GSN: variants seen among roughly 807,000 people sequenced by gnomAD.
GSN encodes actin-depolymerizing factor.
In GSN, 56 loss-of-function variants were observed where a neutral mutation model predicts 85.7. That is an observed-to-expected ratio of 0.65 (90% CI 0.53 to 0.82). GSN has a LOEUF of 0.82. GSN is among the 40% of genes least tolerant of loss of function. The probability of loss-of-function intolerance (pLI) is 0.00; values close to 1 mark genes in which losing one functional copy is unlikely to be tolerated. For synonymous variants in GSN, 373 were observed against 399.1 expected, an observed-to-expected ratio of 0.93 and a Z score of 0.78; for missense variants, 857 against 979.8, an observed-to-expected ratio of 0.87 and a Z score of 1.67.
intron 6 of GSN, among the ~76,000 whole-genome samples, chr9:121,256,676 G>C (rs557001164): frequency 6.6e-6 from 1 of 152,092 alleles, no homozygotes; most frequent in Non-Finnish European, 1.5e-5. Flanking sequence ...TCAGGAGTTC[G>C]AGACCAGTCT....
intron 2 of GSN, 116 bp from the exon 3 acceptor site, chr9:121,301,847 G>A: frequency 1.3e-6 from 2 of 1,539,244 alleles, no homozygotes; most frequent in Non-Finnish European, 1.8e-6. Flanking sequence ...GGGGCGTGGG[G>A]AGAGCAGGAG....
At chr9:121,255,237 C>T (rs569164586) in intron 6 of GSN, among the ~76,000 whole-genome samples, 43 of 152,212 alleles carry the variant, frequency 2.8e-4, no homozygotes, top group African/African-American at 6.0e-4. Context: ...TGTGAACCAC[C>T]GCACCCGGCC....
At position 121,327,383 on chromosome 9, in the gene GSN, G is replaced by T; in HGVS notation, c.1663G>T (p.Val555Leu). ...AACCCCCTCAGCCGCCTACCTGTGGGTGGGTACAGGAGCCAGCGAGGCAGA... is the reference window on the plus strand; with the variant it reads ...AACCCCCTCAGCCGCCTACCTGTGGTTGGGTACAGGAGCCAGCGAGGCAGA... The part of the protein sequence containing the change: ...LKTPSAAYLW[V>L]GTGASEAEKT... The change falls in exon 14 of 18, where the codon GTG becomes TTG. Residue 555 changes from valine to leucine, a missense_variant. Val to Leu is a conservative substitution (Grantham distance 32). Transcript: ENST00000432226. The T allele has an allele frequency of 6.2e-7, 1 of 1,613,852 alleles. No individual in the cohort carries two copies. The highest frequency in any genetic ancestry group is 1.7e-5 in the Admixed American group (1 of 60,008).
chr9:121,236,614 T>G (rs1434269101), intron 5 of GSN, among the ~76,000 whole-genome samples: 2 of 152,046 alleles, frequency 1.3e-5, no homozygotes. Context: ...GAAAAGAAAT[T>G]TACACAATTT....
rs2055608141 is a variant in GSN at position 121,269,555 on chromosome 9, G to C, written c.-103+1336G>C. On this transcript the variant is annotated intron_variant, in intron 1 of 17. Transcript: ENST00000432226. ...GGTTGGTGTTTCTTGGGGCTGTTAA[G>C]GGGGAGAGGCTTGGAAACAGAGGAG... is the stretch of plus-strand genomic sequence containing the variant. 2.6e-5 allele frequency among the ~76,000 whole-genome samples: 4 copies of C among 152,266 alleles called. No individual in the cohort carries two copies. The South Asian group carries it at 8.3e-4, about 32-fold the overall frequency.
chr9:121,274,483 T>A (rs1207512576), intron 1 of GSN, among the ~76,000 whole-genome samples: 2 of 152,072 alleles, frequency 1.3e-5, no homozygotes, highest in Non-Finnish European at 2.9e-5. Context: ...TGAGTCAAAA[T>A]GACACATTTT....
rs149415778 is a variant in GSN, at chr9:121,302,046, C to G, written c.75C>G (p.Phe25Leu). Residue 25 changes from phenylalanine to leucine, a missense_variant, in exon 3 of 18, where the codon TTC (phenylalanine) becomes TTG (leucine). Transcript: ENST00000432226. The stretch of plus-strand genomic sequence containing the variant: ...TGCAGATCTGGCGTGTGGAGAAGTT[C>G]GATCTGGTGCCCGTGCCCACCAACC... ...PGLQIWRVEK[F>L]DLVPVPTNLY... 1.0e-3 allele frequency: 1,607 copies of G among 1,614,216 alleles called. 12 individuals carry two copies. In the African/African-American group the frequency reaches 0.019, roughly 19 times the overall value.
chr9:121,214,457 T>G (rs2054022935), intron 4 of GSN, among the ~76,000 whole-genome samples: 1 of 152,150 alleles, frequency 6.6e-6, no homozygotes, highest in Admixed American at 6.5e-5. Context: ...TGTGGGAGGA[T>G]TACATGGCAC....
chr9:121,253,651 C>T lies in GSN; in HGVS notation c.-341+5328C>T, dbSNP rs139120994. On this transcript the variant is annotated intron_variant, in intron 6 of 24. Transcript: ENST00000373823. ...AATGGAGTGACATATTTACCAGCTG[C>T]CCACAGTGAAACAAAGTGTGTAGAT... Among the ~76,000 whole-genome samples the T allele has an allele frequency of 2.6e-5, 4 of 152,302 alleles. No homozygotes were observed. In the East Asian group the frequency reaches 5.8e-4, roughly 22 times the overall value.
At chr9:121,274,711 G>A (rs1199423853) in intron 1 of GSN, among the ~76,000 whole-genome samples, 1 of 152,168 alleles carries the variant, frequency 6.6e-6, no homozygotes, top group Admixed American at 6.5e-5. Flanking sequence ...TTACTAAGAG[G>A]AAGCTCAGGA....
In GSN at chr9:121,313,843, C is replaced by G. The variant is rs1176956430; in HGVS notation, c.664-91C>G. The G allele has an allele frequency of 4.0e-6, 4 of 995,476 alleles. No individual in the cohort carries two copies. The African/African-American group carries it at 4.7e-5, about 12-fold the overall frequency. The allele number at this position is 995,476 out of a possible 1,614,324, so 61.7% of individuals were successfully genotyped here. On this transcript the variant is annotated intron_variant, in intron 6 of 17. Coordinates refer to ENST00000432226, the MANE Select transcript of GSN (RefSeq NM_198252.3). ...CCATGGGGAGGGTCACAGTGGATGTCCTTGTGATCCTTGCCTGCCTGGGAG... is the reference window on the plus strand; with the variant it reads ...CCATGGGGAGGGTCACAGTGGATGTGCTTGTGATCCTTGCCTGCCTGGGAG...
At chr9:121,309,134 C>G (rs890580269) in intron 4 of GSN, 2 of 152,190 alleles carry the variant, frequency 1.3e-5, no homozygotes, top group African/African-American at 4.8e-5. Context: ...GCTGAGTGCC[C>G]TTGAGTAAGT....
intron 5 of GSN, 117 bp from the exon 6 acceptor site, chr9:121,312,222 T>A: frequency 9.3e-7 from 1 of 1,079,820 alleles, no homozygotes; most frequent in Non-Finnish European, 1.4e-6. Context: ...AGCCTTCACC[T>A]GGGCAAGTGC....
In GSN at chr9:121,318,941, C is replaced by T; in HGVS notation, c.1191+61C>T. On this transcript the variant is annotated intron_variant, in intron 10 of 17. Transcript: ENST00000432226. The surrounding 1 kb of genome is among the most constrained non-coding windows in gnomAD (Gnocchi z 4.3). ...CCTCCCTCACTTTCCCCATGCACTG[C>T]CTCTTGCTTCCCCAAGGAGGTTTCT... 1 of 1,276,544 alleles carries T rather than the reference C, an allele frequency of 7.8e-7. No homozygotes were observed. Among genetic ancestry groups the T allele is most frequent in the South Asian group, 1.2e-5 (1 of 83,352 alleles). 79.1% of individuals were successfully genotyped at this position (1,276,544 alleles called of 1,614,324 possible).
chr9:121,312,975 A>T (rs528522607), intron 6 of GSN: 1 of 157,892 alleles, frequency 6.3e-6, no homozygotes, highest in Admixed American at 6.1e-5. Context: ...CACTTTAGGG[A>T]GCAAGGGAGA....
chr9:121,281,075 A>C (rs1416685597), intron 1 of GSN: 1 of 160,846 alleles, frequency 6.2e-6, no homozygotes, highest in Non-Finnish European at 1.4e-5. Context: ...CCCTGGTCTC[A>C]GGAAGAGCTG....
Position 121,299,994 on chromosome 9 carries a change from C to A in GSN, c.-9-1969C>A. The A allele has an allele frequency of 7.0e-7, 1 of 1,427,132 alleles. No individual in the cohort carries two copies. The allele number at this position is 1,427,132 out of a possible 1,614,324, so 88.4% of individuals were successfully genotyped here. A position where few individuals can be genotyped will look rare whatever the true frequency, so the allele number is the denominator to read the frequency against. ...GGCGGGGGCGCCCCAGGGGCGGGTG[C>A]CCGAGGCGCGGGTGAGTGCCCGGGG... is the stretch of plus-strand genomic sequence containing the variant. On this transcript the variant is annotated intron_variant, in intron 2 of 17. Transcript: ENST00000432226. The surrounding 1 kb of genome is among the most constrained non-coding windows in gnomAD (Gnocchi z 4.2).
chr9:121,258,309 A>C lies in GSN; in HGVS notation c.-340-6845A>C, dbSNP rs149392927. ...GAAACCCTGTCTCTACTAAAAATAC[A>C]AATATTAGCTGGGCGTGGTGGTGTG... On this transcript the variant is annotated intron_variant, in intron 6 of 24. Coordinates refer to the GSN transcript ENST00000373823. Among the ~76,000 whole-genome samples, 168 of 152,320 alleles carry C rather than the reference A, an allele frequency of 1.1e-3. 4 individuals are homozygous for C. In the East Asian group the frequency reaches 0.027, roughly 24 times the overall value.
chr9:121,228,403 C>CACATATATATATATATATAT (rs1475020604), intron 4 of GSN, among the ~76,000 whole-genome samples: 16 of 63,194 alleles, frequency 2.5e-4, no homozygotes, highest in Non-Finnish European at 3.8e-4. Context: ...CATTGATTAA[C>CACATATATATATATATATAT]ATATATATAT....
Sources: allele counts gnomAD v4.1 joint callset (sites outside exome capture counted in the v4.1 genomes callset), GRCh38; gene constraint gnomAD v4.1.1; non-coding constraint Gnocchi (gnomAD v3.1); transcripts MANE v1.5; gene names NCBI Gene and HGNC (gene_info 2026-07-23, HGNC 2026-07-21).